The following EPHA5 variants were observed in gnomAD, a reference collection of about 807,000 sequenced individuals.
The protein encoded by EPHA5 is ephrin type-A receptor 5.
In EPHA5, 60 loss-of-function variants were observed where a neutral mutation model predicts 105.0. The ratio of observed to expected loss-of-function variants is 0.57; its 90% CI spans 0.46 to 0.71. The LOEUF is 0.71. Ranked by LOEUF, EPHA5 falls within the 30% of genes least tolerant of loss-of-function variation. The pLI is 0.00. For missense variants in EPHA5, 1,218 were observed against 1,274.7 expected, an observed-to-expected ratio of 0.96 and a Z score of 0.68; for synonymous variants, 513 against 449.1, an observed-to-expected ratio of 1.14 and a Z score of -1.80.
intron 3 of EPHA5, among the ~76,000 whole-genome samples, chr4:65,555,870 CT>C (rs961709049): frequency 6.6e-6 from 1 of 152,012 alleles, no homozygotes; most frequent in Admixed American, 6.6e-5. Context: ...TTTAGAAGCT[CT>C]TTTTTTATTT....
At position 65,495,507 on chromosome 4, in the gene EPHA5, A is replaced by G. The variant is rs150719652; in HGVS notation, c.947T>C (p.Ile316Thr). Residue 316 changes from isoleucine (I) to threonine (T), a missense_variant, in exon 4 of 17, where the codon ATC becomes ACC. Ile to Thr is a moderately conservative substitution (Grantham distance 89). Coordinates refer to ENST00000613740, the MANE Select transcript of EPHA5 (RefSeq NM_001281766.3). The stretch of plus-strand genomic sequence containing the variant: ...AGGTGGACATTTGCCGCAGCTCTGG[A>G]TGTGAGGTGAGGCTTTGAAGAACCC... ...RPGFFKASPHIQSCGKCPPHS... is the reference protein window; with the variant it reads ...RPGFFKASPHTQSCGKCPPHS... The G allele has an allele frequency of 1.2e-6, 2 of 1,613,664 alleles. No homozygotes were observed. Among genetic ancestry groups the G allele is most frequent in the African/African-American group, 2.7e-5 (2 of 74,892 alleles).
At chr4:65,362,658 T>C (rs1029035886) in intron 11 of EPHA5, among the ~76,000 whole-genome samples, 5 of 151,618 alleles carry the variant, frequency 3.3e-5, no homozygotes, top group African/African-American at 4.8e-5. Flanking sequence ...AATCTAGATA[T>C]AGTCATTTGT....
At chr4:65,636,402 G>C (rs1167796834) in intron 2 of EPHA5, among the ~76,000 whole-genome samples, 1 of 152,070 alleles carries the variant, frequency 6.6e-6, no homozygotes, top group Non-Finnish European at 1.5e-5. Context: ...TAACCATTTA[G>C]AGTAGCTCAT....
At chr4:65,356,648 A>C (rs907615297) in intron 11 of EPHA5, among the ~76,000 whole-genome samples, 3 of 151,544 alleles carry the variant, frequency 2.0e-5, no homozygotes, top group Admixed American at 6.6e-5. Flanking sequence ...AACACCTCTC[A>C]TATTTCACAT....
intron 3 of EPHA5, among the ~76,000 whole-genome samples, chr4:65,502,895 G>T (rs1226214201): frequency 6.6e-6 from 1 of 151,678 alleles, no homozygotes; most frequent in South Asian, 2.1e-4. Flanking sequence ...GGATAAAGAA[G>T]ATGTGGTACA....
Position 65,406,518 on chromosome 4 carries a change from ACAGCAAT to A in EPHA5, c.1688-2046_1688-2040del, listed in dbSNP as rs761931622. ...TCTGATGGCTTCATATTCTCTTCCCACAGCAATGTATGAATGATTCTTCATGAATGCT... is the reference window on the plus strand; with the variant it reads ...TCTGATGGCTTCATATTCTCTTCCCAGTATGAATGATTCTTCATGAATGCT... On this transcript the variant is annotated intron_variant, in intron 7 of 16. Transcript: ENST00000613740. Among the ~76,000 whole-genome samples, 376 of 152,096 alleles carry A rather than the reference ACAGCAAT, an allele frequency of 2.5e-3. 4 individuals carry two copies. Among genetic ancestry groups the A allele is most frequent in the Non-Finnish European group, 3.8e-3 (257 of 67,960 alleles).
chr4:65,492,468 C>T (rs993303715), intron 4 of EPHA5, among the ~76,000 whole-genome samples: 2 of 145,824 alleles, frequency 1.4e-5, no homozygotes, highest in African/African-American at 5.1e-5. Context: ...TCCCACAGTG[C>T]TGAGATTACA....
chr4:65,518,211 A>G (rs1734292990), intron 3 of EPHA5, among the ~76,000 whole-genome samples: 1 of 151,972 alleles, frequency 6.6e-6, no homozygotes, highest in African/African-American at 2.4e-5. Context: ...TAAGGAGAGT[A>G]AATTCATATT....
At chr4:65,520,196 C>A (rs868798931) in intron 3 of EPHA5, among the ~76,000 whole-genome samples, 27 of 152,038 alleles carry the variant, frequency 1.8e-4, no homozygotes, top group Non-Finnish European at 7.4e-5. Context: ...ACCAATGGAA[C>A]AAAACAGAGC....
chr4:65,604,100 TA>T (rs1197134780), intron 2 of EPHA5, among the ~76,000 whole-genome samples: 2 of 152,374 alleles, frequency 1.3e-5, no homozygotes, highest in East Asian at 1.9e-4. Context: ...CAAATATGTA[TA>T]TTTTTTGCCT....
chr4:65,359,109 C>T (rs112533797), intron 11 of EPHA5, among the ~76,000 whole-genome samples: 7 of 151,590 alleles, frequency 4.6e-5, no homozygotes, highest in Non-Finnish European at 3.0e-5. Flanking sequence ...ATCTGCAAGT[C>T]AGCAAATCTC....
chr4:65,553,318 A>C (rs1429718821), intron 3 of EPHA5, among the ~76,000 whole-genome samples: 3 of 152,062 alleles, frequency 2.0e-5, no homozygotes, highest in African/African-American at 7.2e-5. Flanking sequence ...CAACCCTGGA[A>C]GGTTGATTTA....
chr4:65,540,314 T>C (rs547051246), intron 3 of EPHA5, among the ~76,000 whole-genome samples: 17 of 151,656 alleles, frequency 1.1e-4, no homozygotes, highest in Middle Eastern at 6.8e-3. Context: ...TCTTTTGTAT[T>C]GTATGCTTTA....
intron 2 of EPHA5, among the ~76,000 whole-genome samples, chr4:65,629,825 C>T (rs6833322): frequency 0.037 from 5,698 of 152,138 alleles, 351 homozygotes; most frequent in African/African-American, 0.13. Context: ...ATCAGTGATG[C>T]ACAGGTGAAC....
At chr4:65,429,037 C>A (rs891805916) in intron 5 of EPHA5, among the ~76,000 whole-genome samples, 1 of 152,022 alleles carries the variant, frequency 6.6e-6, no homozygotes. Flanking sequence ...GTTTTCCATT[C>A]ATTACTTGTT....
chr4:65,481,492 A>AT (rs1730359766), intron 5 of EPHA5, among the ~76,000 whole-genome samples: 1 of 152,214 alleles, frequency 6.6e-6, no homozygotes, highest in Admixed American at 6.5e-5. Flanking sequence ...TGTCCAACAC[A>AT]TGACTGAGGA....
At chr4:65,524,364 C>A (rs557358858) in intron 3 of EPHA5, among the ~76,000 whole-genome samples, 9 of 151,704 alleles carry the variant, frequency 5.9e-5, no homozygotes, top group African/African-American at 2.2e-4. Flanking sequence ...CATATAATAT[C>A]CTTTATTGTT....
chr4:65,329,710 CTA>C (rs1225602787), intron 16 of EPHA5, among the ~76,000 whole-genome samples: 1 of 150,876 alleles, frequency 6.6e-6, no homozygotes, highest in Non-Finnish European at 1.5e-5. Context: ...GGGGTAAAGA[CTA>C]TGCGTGAAAA....
chr4:65,417,466 G>A (rs1451170), intron 6 of EPHA5, among the ~76,000 whole-genome samples: 122,480 of 152,154 alleles, frequency 0.8, 49,643 homozygotes, highest in South Asian at 0.92. Context: ...ACGATGGTCC[G>A]GGAATTAATA....
Sources: gnomAD v4.1 joint callset for allele counts (sites outside exome capture counted in the v4.1 genomes callset) on GRCh38, gnomAD v4.1.1 for gene constraint, MANE v1.5 for transcripts, NCBI Gene and HGNC (gene_info 2026-07-23, HGNC 2026-07-21) for gene names.